OCA2: variants seen among roughly 807,000 people sequenced by gnomAD.
The protein encoded by OCA2 is OCA2 melanosomal transmembrane protein, also known as P protein.
In OCA2, 77 loss-of-function variants were observed where a neutral mutation model predicts 100.2. The observed-to-expected ratio is 0.77, with a 90% confidence interval of 0.64 to 0.93. The LOEUF (loss-of-function observed/expected upper bound fraction) is 0.93, where lower values mean the gene tolerates loss of function less well. Ranked by LOEUF, OCA2 falls within the 40% of genes least tolerant of loss-of-function variation. The probability of loss-of-function intolerance (pLI) is 0.00; values close to 1 mark genes in which losing one functional copy is unlikely to be tolerated. For synonymous variants in OCA2, 432 were observed against 439.2 expected (o/e 0.98, Z 0.21); for missense variants, 1,062 against 1,089.1 (o/e 0.98, Z 0.35).
chr15:27,919,791 A>G (rs2038792752), intron 19 of OCA2, among the ~76,000 whole-genome samples: 1 of 152,196 alleles, frequency 6.6e-6, no homozygotes, highest in Non-Finnish European at 1.5e-5. Context: ...GGATGACTAT[A>G]ATGCATCAAT....
chr15:28,022,630 A>G (rs1346407880), intron 5 of OCA2, 57 bp from the exon 6 acceptor site: 12 of 1,333,452 alleles, frequency 9.0e-6, no homozygotes, highest in Admixed American at 1.7e-5. Context: ...AGTAAGGTAT[A>G]AATCATTTTG....
chr15:27,815,436 T>C (rs958419446), intron 23 of OCA2, among the ~76,000 whole-genome samples: 18 of 152,136 alleles, frequency 1.2e-4, no homozygotes, highest in Non-Finnish European at 2.2e-4. Context: ...AAACTAGCAA[T>C]GAGGAAAAGA....
At chr15:28,011,178 C>T (rs2056622229) in intron 9 of OCA2, among the ~76,000 whole-genome samples, 1 of 152,146 alleles carries the variant, frequency 6.6e-6, no homozygotes, top group African/African-American at 2.4e-5. Context: ...CAAAAAATAA[C>T]TCAAGGCCTG....
intron 1 of OCA2, among the ~76,000 whole-genome samples, chr15:28,087,067 C>G (rs2044788340): frequency 6.6e-6 from 1 of 152,108 alleles, no homozygotes; most frequent in South Asian, 2.1e-4. Context: ...AGACATAAAC[C>G]TACAGATTTG....
chr15:27,800,683 G>C (rs1245937044), intron 23 of OCA2, among the ~76,000 whole-genome samples: 1 of 152,078 alleles, frequency 6.6e-6, no homozygotes, highest in Non-Finnish European at 1.5e-5. Context: ...AAGAAGTTGA[G>C]GCCAGGCATG....
At chr15:27,865,325 T>C (rs944987480) in intron 21 of OCA2, among the ~76,000 whole-genome samples, 1 of 152,186 alleles carries the variant, frequency 6.6e-6, no homozygotes, top group Non-Finnish European at 1.5e-5. Flanking sequence ...TCTCTGACCC[T>C]TTTTAAGGTT....
intron 19 of OCA2, among the ~76,000 whole-genome samples, chr15:27,893,785 C>T (rs1446648745): frequency 3.3e-5 from 5 of 152,170 alleles, no homozygotes; most frequent in Admixed American, 6.5e-5. Flanking sequence ...CAAGACAATA[C>T]GTGCACCGCT....
intron 23 of OCA2, among the ~76,000 whole-genome samples, chr15:27,832,830 A>ATTTTTT (rs112415796): frequency 2.7e-4 from 37 of 135,726 alleles, no homozygotes; most frequent in Admixed American, 5.4e-4. Context: ...TAAATATCTG[A>ATTTTTT]TTTTTTTTTT....
rs149450725 is a variant in OCA2 at position 27,816,724 on chromosome 15, A to G, written c.2432+28235T>C. ...ACAGCTACTGAATTTTCCCTTGCCC[A>G]CATCCTTATAAATATTCCCCGTAAT... is the stretch of plus-strand genomic sequence containing the variant. On this transcript the variant is annotated intron_variant, in intron 23 of 23. Coordinates refer to ENST00000354638, the MANE Select transcript of OCA2 (RefSeq NM_000275.3). Among the ~76,000 whole-genome samples the G allele has an allele frequency of 4.4e-3, 662 of 152,096 alleles. 5 individuals are homozygous for G. The highest frequency in any genetic ancestry group is 0.015 in the African/African-American group (629 of 41,498).
chr15:27,848,942 A>AACACAGCCATG lies in OCA2; in HGVS notation c.2338+2439_2338+2440insCATGGCTGTGT, dbSNP rs1173109700. Among the ~76,000 whole-genome samples the AACACAGCCATG allele has an allele frequency of 1.1e-3, 120 of 114,072 alleles. 36 individuals are homozygous for AACACAGCCATG. The highest frequency in any genetic ancestry group is 2.9e-3 in the African/African-American group (88 of 29,952). The allele number at this position is 114,072 out of a possible 152,430, so 74.8% of individuals were successfully genotyped here. On this transcript the variant is annotated intron_variant, in intron 22 of 23. Transcript: ENST00000354638. ...CCTGGATTGGTGTGAACACAGCCAC[A>AACACAGCCATG]TGCTGCCTGGATTGGTGTGAACACA...
intron 14 of OCA2, among the ~76,000 whole-genome samples, chr15:27,969,049 T>C (rs1475787827): frequency 1.3e-5 from 2 of 151,814 alleles, no homozygotes; most frequent in African/African-American, 4.8e-5. Flanking sequence ...TACTAATATA[T>C]TTATACACTA....
At chr15:28,092,556 G>A (rs2044888297) in intron 1 of OCA2, among the ~76,000 whole-genome samples, 1 of 151,924 alleles carries the variant, frequency 6.6e-6, no homozygotes, top group Non-Finnish European at 1.5e-5. Flanking sequence ...TCTTACTATG[G>A]TGCCCAGTCT....
chr15:27,930,407 A>C lies in OCA2; in HGVS notation c.1952-4153T>G, dbSNP rs1380284888. Among the ~76,000 whole-genome samples the C allele has an allele frequency of 2.6e-5, 4 of 152,142 alleles. No homozygotes were observed. In the East Asian group the frequency reaches 7.9e-4, roughly 30 times the overall value. On this transcript the variant is annotated intron_variant, in intron 18 of 23. Transcript: ENST00000354638. ...GCCAGACCAAATATACATATATACC[A>C]TTTTTAATATAAAGTTCTAGAAAAT...
the OCA2 span, among the ~76,000 whole-genome samples, chr15:27,731,665 C>A: frequency 6.6e-6 from 1 of 152,168 alleles, no homozygotes; most frequent in Admixed American, 6.5e-5. Flanking sequence ...CATCAGTGAC[C>A]CTGGGGGTGT....
chr15:27,730,732 A>AATATATTTTTATATATATATATATATAT, the OCA2 span, among the ~76,000 whole-genome samples: 1 of 102,010 alleles, frequency 9.8e-6, no homozygotes, highest in African/African-American at 3.3e-5. Context: ...AAAAAGACCA[A>AATATATTTTTATATATATATATATATAT]ATATATATAT....
chr15:28,098,348 G>T (rs1272636466), intron 1 of OCA2, among the ~76,000 whole-genome samples: 1 of 152,176 alleles, frequency 6.6e-6, no homozygotes, highest in African/African-American at 2.4e-5. Context: ...TCAGCTCCTT[G>T]CCCTGGCAGG....
intron 14 of OCA2, among the ~76,000 whole-genome samples, chr15:27,978,057 C>G (rs554879048): frequency 3.3e-5 from 5 of 152,304 alleles, no homozygotes; most frequent in South Asian, 2.1e-4. Context: ...TTCTTTGACC[C>G]TTGGATTACT....
intron 15 of OCA2, 49 bp downstream of exon 15, chr15:27,966,638 CAAT>C (rs1388025001): frequency 6.2e-7 from 1 of 1,606,506 alleles, no homozygotes; most frequent in African/African-American, 1.3e-5. Context: ...GGTAAACAAA[CAAT>C]ATTATGGTCA....
rs149240562 is a variant in OCA2 at position 27,917,808 on chromosome 15, G to A, written c.2079+8319C>T. The stretch of plus-strand genomic sequence containing the variant: ...GGGCTTTTCCTACTTCAAAAAGGAC[G>A]GTCAGAGTATCTTGCCCAGTTGATT... On this transcript the variant is annotated intron_variant, in intron 19 of 23. Coordinates refer to ENST00000354638, the MANE Select transcript of OCA2 (RefSeq NM_000275.3). Among the ~76,000 whole-genome samples the A allele has an allele frequency of 3.9e-4, 60 of 152,176 alleles. No individual in the cohort carries two copies. The East Asian group carries it at 0.011, about 27-fold the overall frequency.
Sources: allele counts gnomAD v4.1 joint callset (sites outside exome capture counted in the v4.1 genomes callset), GRCh38; gene constraint gnomAD v4.1.1; transcripts MANE v1.5; gene names NCBI Gene and HGNC (gene_info 2026-07-23, HGNC 2026-07-21).